Variants in TLN2 observed in about 807,000 individuals in gnomAD.
The protein encoded by TLN2 is talin 2.
In TLN2, 118 loss-of-function variants were observed where a neutral mutation model predicts 294.7. The observed-to-expected ratio is 0.40, with a 90% CI of 0.34 to 0.47. The LOEUF (loss-of-function observed/expected upper bound fraction) is 0.47. TLN2 is among the 20% of genes least tolerant of loss of function. The probability of loss-of-function intolerance (pLI) is 0.84; values close to 1 mark genes in which losing one functional copy is unlikely to be tolerated. For missense variants in TLN2, 3,083 were observed against 3,282.2 expected, an observed-to-expected ratio of 0.94 and a Z score of 1.48; for synonymous variants, 1,431 against 1,304.5, an observed-to-expected ratio of 1.10 and a Z score of -2.09.
At chr15:62,836,296 C>T (rs1385034641) in intron 57 of TLN2, among the ~76,000 whole-genome samples, 1 of 152,246 alleles carries the variant, frequency 6.6e-6, no homozygotes, top group Non-Finnish European at 1.5e-5. Flanking sequence ...CCCTGGGGCC[C>T]TGCTCCTCGC....
intron 1 of TLN2, among the ~76,000 whole-genome samples, chr15:62,480,906 G>A (rs1051997438): frequency 1.3e-5 from 2 of 152,156 alleles, no homozygotes; most frequent in Middle Eastern, 3.2e-3. Context: ...CTCAAGGTGG[G>A]ATTCTGTCAA....
Position 62,585,006 on chromosome 15 carries a change from C to T in TLN2, c.-237-4681C>T, listed in dbSNP as rs185442121. On this transcript the variant is annotated intron_variant, in intron 1 of 58. Transcript: ENST00000636159. ...ATATGAGCCCATATTCTGATTTTTA[C>T]ACACATGCAGTTGATGTCAGGGCAA... is the stretch of plus-strand genomic sequence containing the variant. Among the ~76,000 whole-genome samples, 552 of 152,294 alleles carry T rather than the reference C, an allele frequency of 3.6e-3. 2 individuals carry two copies. The highest frequency in any genetic ancestry group is 0.013 in the African/African-American group (525 of 41,570).
chr15:62,482,657 C>T (rs979693100), intron 1 of TLN2, among the ~76,000 whole-genome samples: 1 of 151,068 alleles, frequency 6.6e-6, no homozygotes, highest in Non-Finnish European at 1.5e-5. Context: ...CATGAGGGCC[C>T]TCATTAGCAC....
chr15:62,624,587 G>A (rs1473492115), intron 3 of TLN2, among the ~76,000 whole-genome samples: 1 of 151,120 alleles, frequency 6.6e-6, no homozygotes. Context: ...TCACAGAAGA[G>A]CAGAGAAGGA....
chr15:62,449,303 T>A (rs2035977317), intron 1 of TLN2, among the ~76,000 whole-genome samples: 1 of 152,122 alleles, frequency 6.6e-6, no homozygotes, highest in Non-Finnish European at 1.5e-5. Flanking sequence ...AGATCTTTTG[T>A]TTCTAGGGGA....
chr15:62,569,636 G>A (rs921140637), intron 1 of TLN2, among the ~76,000 whole-genome samples: 9 of 152,210 alleles, frequency 5.9e-5, no homozygotes, highest in Non-Finnish European at 1.0e-4. Context: ...TGTGTAAGCC[G>A]GTGAACTCAG....
intron 41 of TLN2, among the ~76,000 whole-genome samples, chr15:62,768,865 CCTA>C (rs1473560245): frequency 6.6e-6 from 1 of 152,256 alleles, no homozygotes; most frequent in Non-Finnish European, 1.5e-5. Context: ...CACTAATCCT[CCTA>C]CCAGTCCTGA....
At chr15:62,469,487 T>A (rs1281581158) in intron 1 of TLN2, among the ~76,000 whole-genome samples, 1 of 152,236 alleles carries the variant, frequency 6.6e-6, no homozygotes, top group East Asian at 1.9e-4. Context: ...CAAGCTTTTT[T>A]AAATTGGCCC....
intron 28 of TLN2, among the ~76,000 whole-genome samples, chr15:62,729,069 T>C (rs2060583149): frequency 6.6e-6 from 1 of 152,222 alleles, no homozygotes; most frequent in Admixed American, 6.5e-5. Flanking sequence ...GATATCCATT[T>C]GACCCAGCAC....
Position 62,783,777 on chromosome 15 carries a change from A to G in TLN2, c.5623A>G (p.Lys1875Glu). Residue 1875 changes from lysine to glutamate, a missense_variant, in exon 45 of 59, where the codon AAG (lysine) becomes GAG (glutamate). By Grantham distance (56) the Lys-to-Glu change is moderately conservative. Transcript: ENST00000636159. ...GCTTGTTTTCTTTTTCCAGATGACT[A>G]AGTCGGTTACTAACCCGGAGGAGTT... ...IAVTAQEMMT[K>E]SVTNPEELGG... 1 of 1,599,302 alleles carries G rather than the reference A, an allele frequency of 6.3e-7. No homozygotes were observed. Among genetic ancestry groups the G allele is most frequent in the Non-Finnish European group, 8.6e-7 (1 of 1,168,042 alleles).
chr15:62,411,332 C>G (rs980822860), intron 1 of TLN2, among the ~76,000 whole-genome samples: 1 of 151,854 alleles, frequency 6.6e-6, no homozygotes, highest in Non-Finnish European at 1.5e-5. Context: ...GAAGTTATTG[C>G]AAGGATTTAG....
chr15:62,584,400 C>G (rs2140707545), intron 1 of TLN2, among the ~76,000 whole-genome samples: 1 of 152,328 alleles, frequency 6.6e-6, no homozygotes, highest in East Asian at 1.9e-4. Context: ...ATTTCTGGGG[C>G]TTTTCTACTA....
chr15:62,522,447 T>C (rs1404682508), intron 1 of TLN2, among the ~76,000 whole-genome samples: 2 of 152,202 alleles, frequency 1.3e-5, no homozygotes, highest in East Asian at 3.9e-4. Context: ...ACGGGTCAGC[T>C]TGCTGAAGCA....
chr15:62,494,345 T>C (rs2038908873), intron 1 of TLN2, among the ~76,000 whole-genome samples: 1 of 152,046 alleles, frequency 6.6e-6, no homozygotes, highest in Non-Finnish European at 1.5e-5. Flanking sequence ...CAGGAGCCTC[T>C]CCAGAAGTAG....
At chr15:62,615,914 A>G (rs1040592204) in intron 2 of TLN2, among the ~76,000 whole-genome samples, 1 of 152,082 alleles carries the variant, frequency 6.6e-6, no homozygotes, top group Non-Finnish European at 1.5e-5. Context: ...GATAGAGAAT[A>G]TCTTGTTTGG....
chr15:62,534,962 T>A (rs1260256573), intron 1 of TLN2, among the ~76,000 whole-genome samples: 1 of 152,192 alleles, frequency 6.6e-6, no homozygotes, highest in African/African-American at 2.4e-5. Context: ...GGCATGCGAC[T>A]TCCGGGAAGT....
In TLN2 at chr15:62,761,673, C is replaced by T. The variant is rs769517787; in HGVS notation, c.4639-8C>T. On this transcript the variant is annotated splice_polypyrimidine_tract_variant and splice_region_variant and intron_variant, in intron 37 of 58. Coordinates refer to ENST00000636159, the MANE Select transcript of TLN2 (RefSeq NM_015059.3). Reference sequence around the variant, plus strand: ...ATTGGGCAGAATCTCCCTGTTTTCTCCCATCAGGCCCTGGATGGGGATTTC... The same window carrying T: ...ATTGGGCAGAATCTCCCTGTTTTCTTCCATCAGGCCCTGGATGGGGATTTC... The T allele has an allele frequency of 3.1e-6, 5 of 1,613,972 alleles. No individual in the cohort carries two copies. The highest frequency in any genetic ancestry group is 3.3e-5 in the Admixed American group (2 of 60,004).
At chr15:62,740,140 A>T (rs1287995865) in intron 31 of TLN2, among the ~76,000 whole-genome samples, 1 of 151,406 alleles carries the variant, frequency 6.6e-6, no homozygotes, top group Non-Finnish European at 1.5e-5. Flanking sequence ...TGTTTCTCAG[A>T]TGGCAACCGG....
At chr15:62,760,102 G>A (rs994978084) in intron 37 of TLN2, among the ~76,000 whole-genome samples, 27 of 152,172 alleles carry the variant, frequency 1.8e-4, no homozygotes, top group Admixed American at 6.5e-4. Flanking sequence ...AGTAGCCGGC[G>A]TGCAAGGGTT....
Sources: gnomAD v4.1 joint callset for allele counts (sites outside exome capture counted in the v4.1 genomes callset) on GRCh38, gnomAD v4.1.1 for gene constraint, MANE v1.5 for transcripts, NCBI Gene and HGNC (gene_info 2026-07-23, HGNC 2026-07-21) for gene names.